PRELID2: variants seen among roughly 807,000 people sequenced by gnomAD.
PRELID2 encodes PRELI domain-containing protein 2.
Under a neutral mutation model 28.4 loss-of-function variants are expected in PRELID2, and 25 were observed. The ratio of observed to expected loss-of-function variants is 0.88; its 90% CI spans 0.64 to 1.23. The LOEUF (loss-of-function observed/expected upper bound fraction) is 1.23. Among genes scored for constraint, PRELID2 ranks in the 50% most tolerant of loss-of-function variants. The probability of loss-of-function intolerance (pLI) is 0.00; values close to 1 mark genes in which losing one functional copy is unlikely to be tolerated. For synonymous variants in PRELID2, 76 were observed against 71.6 expected (o/e 1.06, Z -0.31); for missense variants, 201 against 214.4 (o/e 0.94, Z 0.39).
At chr5:145,262,840 T>G in the PRELID2 span, among the ~76,000 whole-genome samples, 11 of 152,056 alleles carry the variant, frequency 7.2e-5, no homozygotes, top group East Asian at 1.7e-3. Flanking sequence ...ACCTCACATC[T>G]CAATACGAAC....
chr5:145,591,200 G>A (rs1417355320), intron 1 of PRELID2, among the ~76,000 whole-genome samples: 2 of 151,804 alleles, frequency 1.3e-5, no homozygotes, highest in Non-Finnish European at 2.9e-5. Flanking sequence ...AGAGACTGAG[G>A]TAGGAGGACT....
At chr5:145,587,066 T>C (rs1433033) in intron 1 of PRELID2, among the ~76,000 whole-genome samples, 27,487 of 152,046 alleles carry the variant, frequency 0.18, 4,183 homozygotes, top group African/African-American at 0.41. Flanking sequence ...CAGACTAATG[T>C]TGTGAATGAC....
intron 1 of PRELID2, among the ~76,000 whole-genome samples, chr5:145,503,539 A>G (rs1752378318): frequency 6.6e-6 from 1 of 151,206 alleles, no homozygotes; most frequent in African/African-American, 2.4e-5. Flanking sequence ...TATGAAAAAA[A>G]TCACTATTAT....
At chr5:145,640,757 C>T (rs1754094151) in intron 1 of PRELID2, among the ~76,000 whole-genome samples, 1 of 152,076 alleles carries the variant, frequency 6.6e-6, no homozygotes, top group Non-Finnish European at 1.5e-5. Context: ...CACCAACCCC[C>T]CAATAACAAA....
At chr5:145,369,927 A>G in the PRELID2 span, among the ~76,000 whole-genome samples, 132 of 148,700 alleles carry the variant, frequency 8.9e-4, 1 homozygote, top group African/African-American at 3.2e-3. Context: ...TTTGAGAAGT[A>G]TCTGTTCATA....
At chr5:145,406,638 T>C in the PRELID2 span, among the ~76,000 whole-genome samples, 1 of 152,152 alleles carries the variant, frequency 6.6e-6, no homozygotes, top group Admixed American at 6.6e-5. Flanking sequence ...ATTGTGAACT[T>C]TTGCTCCAAG....
chr5:145,633,668 G>A (rs1258361683), intron 1 of PRELID2, among the ~76,000 whole-genome samples: 1 of 152,184 alleles, frequency 6.6e-6, no homozygotes, highest in Non-Finnish European at 1.5e-5. Context: ...TCCTAGGGGA[G>A]ACAGAAAAAT....
chr5:145,748,111 C>CCT (rs1374422927), intron 1 of PRELID2, among the ~76,000 whole-genome samples: 3 of 152,140 alleles, frequency 2.0e-5, no homozygotes, highest in African/African-American at 7.2e-5. Context: ...ACAAGGATGC[C>CCT]CTCTCTCACC....
chr5:145,456,373 C>T, the PRELID2 span, among the ~76,000 whole-genome samples: 1 of 152,272 alleles, frequency 6.6e-6, no homozygotes, highest in South Asian at 2.1e-4. Flanking sequence ...TGCTCTTTAT[C>T]GTTATCTTTT....
chr5:145,410,214 A>G, the PRELID2 span, among the ~76,000 whole-genome samples: 2 of 152,228 alleles, frequency 1.3e-5, no homozygotes, highest in Non-Finnish European at 2.9e-5. Flanking sequence ...AATTCTAGAA[A>G]ATAACATGAG....
At chr5:145,491,991 C>T (rs2126627411) in intron 1 of PRELID2, among the ~76,000 whole-genome samples, 1 of 152,262 alleles carries the variant, frequency 6.6e-6, no homozygotes, top group South Asian at 2.1e-4. Flanking sequence ...GTGAATAGTG[C>T]TGTAATGAAC....
chr5:145,447,549 C>T, the PRELID2 span, among the ~76,000 whole-genome samples: 129 of 136,516 alleles, frequency 9.4e-4, no homozygotes, highest in Non-Finnish European at 1.6e-3. Context: ...TATACATGTG[C>T]CATGCTGGTG....
chr5:145,229,157 C>T, the PRELID2 span: 1 of 966,932 alleles, frequency 1.0e-6, no homozygotes, highest in Non-Finnish European at 1.7e-6. Context: ...AGTGTGTGTC[C>T]CACAGCCCCA....
chr5:145,303,955 T>C, the PRELID2 span, among the ~76,000 whole-genome samples: 3 of 152,220 alleles, frequency 2.0e-5, no homozygotes, highest in Non-Finnish European at 4.4e-5. Flanking sequence ...TATCAGAGTA[T>C]GATAGAATCG....
At chr5:145,441,041 A>C in the PRELID2 span, 1 of 152,124 alleles carries the variant, frequency 6.6e-6, no homozygotes, top group Non-Finnish European at 1.5e-5. Context: ...GGATGTCATC[A>C]GCATATGGGA....
chr5:145,552,120 C>T (rs1447596613), intron 1 of PRELID2, among the ~76,000 whole-genome samples: 1 of 152,176 alleles, frequency 6.6e-6, no homozygotes, highest in Non-Finnish European at 1.5e-5. Context: ...GTGTGCCCTA[C>T]TTTTCCACAG....
intron 1 of PRELID2, among the ~76,000 whole-genome samples, chr5:145,668,575 A>G (rs1754643330): frequency 6.6e-6 from 1 of 152,092 alleles, no homozygotes; most frequent in Admixed American, 6.6e-5. Flanking sequence ...ATTATTATTC[A>G]TCTCCATAGC....
the PRELID2 span, among the ~76,000 whole-genome samples, chr5:145,369,734 A>G: frequency 6.6e-6 from 1 of 152,064 alleles, no homozygotes; most frequent in South Asian, 2.1e-4. Context: ...TTACATTCCC[A>G]CCAACAGTGT....
intron 1 of PRELID2, among the ~76,000 whole-genome samples, chr5:145,644,999 G>A (rs1754173117): frequency 6.6e-6 from 1 of 152,176 alleles, no homozygotes; most frequent in Non-Finnish European, 1.5e-5. Flanking sequence ...CTGTTGATTT[G>A]GGGTGAAGAG....
Sources: allele counts gnomAD v4.1 joint callset (sites outside exome capture counted in the v4.1 genomes callset), GRCh38; gene constraint gnomAD v4.1.1; transcripts MANE v1.5; gene names NCBI Gene and HGNC (gene_info 2026-07-23, HGNC 2026-07-21).